The following DCDC1 variants were observed in gnomAD, a reference collection of about 807,000 sequenced individuals.
The protein encoded by DCDC1 is doublecortin domain-containing protein 1.
A neutral mutation model predicts 178.3 loss-of-function variants in DCDC1; 200 were observed. The ratio of observed to expected loss-of-function variants is 1.12; its 90% CI spans 1.00 to 1.26. The LOEUF (loss-of-function observed/expected upper bound fraction) is 1.26. Among genes scored for constraint, DCDC1 ranks in the 50% most tolerant of loss-of-function variants. The probability of loss-of-function intolerance (pLI) is 0.00; values close to 1 mark genes in which losing one functional copy is unlikely to be tolerated. For missense variants in DCDC1, 1,983 were observed against 1,749.2 expected, an observed-to-expected ratio of 1.13 and a Z score of -2.38; for synonymous variants, 690 against 604.8, an observed-to-expected ratio of 1.14 and a Z score of -2.07.
intron 11 of DCDC1, among the ~76,000 whole-genome samples, chr11:31,117,904 A>T (rs1208747263): frequency 6.6e-6 from 1 of 152,304 alleles, no homozygotes; most frequent in South Asian, 2.1e-4. Context: ...TGTCTAAATT[A>T]ACTTAATCCC....
intron 6 of DCDC1, among the ~76,000 whole-genome samples, chr11:31,295,249 T>A (rs1463430510): frequency 1.3e-5 from 2 of 152,220 alleles, no homozygotes; most frequent in Non-Finnish European, 2.9e-5. Context: ...TTTATTATTC[T>A]ATTGTTATTT....
chr11:31,243,339 C>T (rs1223695548), intron 8 of DCDC1, among the ~76,000 whole-genome samples: 2 of 151,604 alleles, frequency 1.3e-5, no homozygotes, highest in African/African-American at 2.4e-5. Flanking sequence ...AATTCATACA[C>T]CTTTAATTGG....
rs1944735383 is a variant in DCDC1, at chr11:30,902,246, G to A, written c.4510+1236C>T. On this transcript the variant is annotated intron_variant, in intron 32 of 38. Transcript: ENST00000684477. ...GAATAGAATTAAGACCCTTATAAAA[G>A]AGGCTTCACACAGTGCTGGGCTCCT... 2.6e-5 allele frequency among the ~76,000 whole-genome samples: 4 copies of A among 152,180 alleles called. No individual in the cohort carries two copies. In the South Asian group the frequency reaches 8.3e-4, roughly 32 times the overall value.
At chr11:31,008,545 G>A (rs1565177596) in intron 20 of DCDC1, among the ~76,000 whole-genome samples, 1 of 152,132 alleles carries the variant, frequency 6.6e-6, no homozygotes, top group Admixed American at 6.6e-5. Flanking sequence ...CTTTTTATTC[G>A]TTGTTATATC....
chr11:31,172,028 G>C (rs987006808), intron 9 of DCDC1, among the ~76,000 whole-genome samples: 1 of 152,114 alleles, frequency 6.6e-6, no homozygotes, highest in African/African-American at 2.4e-5. Flanking sequence ...AAGGGAAATT[G>C]ATAGAAGAGA....
At position 30,905,098 on chromosome 11, in the gene DCDC1, G is replaced by A. The variant is rs144668195; in HGVS notation, c.4171C>T (p.Arg1391Trp). The change falls in exon 31 of 39, where the codon CGG becomes TGG. Residue 1391 changes from arginine to tryptophan, a missense_variant. By Grantham distance (101) the Arg-to-Trp change is moderately radical. Transcript: ENST00000684477. ...SYYQARLLSL[R>W]MKTCTQAASH... is the part of the protein sequence containing the mutation. ...GCAGCTTGCGTGCAGGTCTTCATCC[G>A]TAAAGACAATAGACGTGCTTGGTAG... is the stretch of plus-strand genomic sequence containing the variant. The A allele has an allele frequency of 2.4e-5, 39 of 1,613,556 alleles. No individual in the cohort carries two copies. Among genetic ancestry groups the A allele is most frequent in the Middle Eastern group, 1.6e-4 (1 of 6,062 alleles).
In DCDC1 at chr11:31,213,846, G is replaced by C. The variant is rs1473545288; in HGVS notation, c.1221+27604C>G. 6.6e-5 allele frequency among the ~76,000 whole-genome samples: 10 copies of C among 150,890 alleles called. No individual in the cohort carries two copies. In the East Asian group the frequency reaches 2.0e-3, roughly 30 times the overall value. On this transcript the variant is annotated intron_variant, in intron 9 of 38. Coordinates refer to ENST00000684477, the MANE Select transcript of DCDC1 (RefSeq NM_001387274.1). ...CCGACTATTACTTGTTTAAAAAAGG[G>C]AGTATGTATCACTCATATTAGAGAA...
intron 9 of DCDC1, among the ~76,000 whole-genome samples, chr11:31,182,969 A>G (rs190610764): frequency 6.6e-6 from 1 of 152,310 alleles, no homozygotes; most frequent in Non-Finnish European, 1.5e-5. Context: ...CTGATAAAAC[A>G]GACTTTAAAC....
chr11:31,062,969 C>G (rs1041542232), intron 20 of DCDC1, among the ~76,000 whole-genome samples: 3 of 131,186 alleles, frequency 2.3e-5, no homozygotes. Flanking sequence ...ACAACAGTCC[C>G]CAGAGTGTGA....
At chr11:30,961,432 C>T (rs928369683) in intron 20 of DCDC1, among the ~76,000 whole-genome samples, 2 of 151,892 alleles carry the variant, frequency 1.3e-5, no homozygotes, top group Non-Finnish European at 2.9e-5. Flanking sequence ...CAGCAAATTC[C>T]AGCTCAAATA....
intron 9 of DCDC1, among the ~76,000 whole-genome samples, chr11:31,206,046 C>T (rs540167989): frequency 5.9e-5 from 9 of 152,160 alleles, no homozygotes; most frequent in South Asian, 2.1e-4. Context: ...AACATTACTG[C>T]GATAGATGAG....
intron 20 of DCDC1, chr11:30,992,750 T>C (rs1445567234): frequency 6.6e-6 from 1 of 152,186 alleles, no homozygotes; most frequent in Non-Finnish European, 1.5e-5. Flanking sequence ...AGTCTAGACA[T>C]CTGGTATAAG....
At chr11:31,340,281 C>T (rs1950477598) in intron 1 of DCDC1, among the ~76,000 whole-genome samples, 1 of 152,064 alleles carries the variant, frequency 6.6e-6, no homozygotes, top group African/African-American at 2.4e-5. Flanking sequence ...CCACACTATT[C>T]TGGGGCAGTG....
At chr11:31,197,210 A>AT (rs1377391428) in intron 9 of DCDC1, among the ~76,000 whole-genome samples, 1 of 152,042 alleles carries the variant, frequency 6.6e-6, no homozygotes, top group Non-Finnish European at 1.5e-5. Context: ...TTTCAAGACA[A>AT]TTTTTCAGAA....
intron 20 of DCDC1, among the ~76,000 whole-genome samples, chr11:30,986,973 C>A (rs762985600): frequency 3.9e-5 from 6 of 151,952 alleles, no homozygotes; most frequent in Non-Finnish European, 8.8e-5. Context: ...CAAAAAGAAA[C>A]CGAAAAAGTA....
intron 17 of DCDC1, among the ~76,000 whole-genome samples, chr11:31,086,476 G>T (rs2135621084): frequency 6.6e-6 from 1 of 152,224 alleles, no homozygotes; most frequent in East Asian, 1.9e-4. Context: ...GCAAATATTT[G>T]CATCTTGTGT....
At chr11:31,360,428 T>C (rs1236177568) in intron 1 of DCDC1, among the ~76,000 whole-genome samples, 1 of 152,216 alleles carries the variant, frequency 6.6e-6, no homozygotes, top group African/African-American at 2.4e-5. Flanking sequence ...TAAAAGTGTA[T>C]ACAGTATAGT....
At chr11:30,975,521 A>G (rs1288482407) in intron 20 of DCDC1, among the ~76,000 whole-genome samples, 1 of 152,082 alleles carries the variant, frequency 6.6e-6, no homozygotes, top group Non-Finnish European at 1.5e-5. Flanking sequence ...CAATAAATTT[A>G]CAGGACACAA....
chr11:31,180,706 C>T (rs1968675832), intron 9 of DCDC1, among the ~76,000 whole-genome samples: 1 of 152,184 alleles, frequency 6.6e-6, no homozygotes. Flanking sequence ...TCGCAACCCA[C>T]AGACCAGGAG....
Sources: allele counts gnomAD v4.1 joint callset (sites outside exome capture counted in the v4.1 genomes callset), GRCh38; gene constraint gnomAD v4.1.1; transcripts MANE v1.5; gene names NCBI Gene and HGNC (gene_info 2026-07-23, HGNC 2026-07-21).